Variants in SLFN12 observed in about 807,000 individuals in gnomAD.
The protein encoded by SLFN12 is schlafen family member 12, also known as ribonuclease SLFN12.
In SLFN12, 25 loss-of-function variants were observed where a neutral mutation model predicts 29.1. The ratio of observed to expected loss-of-function variants is 0.86; its 90% CI spans 0.63 to 1.20. SLFN12 has a LOEUF of 1.20. Among genes scored for constraint, SLFN12 ranks in the 50% most tolerant of loss-of-function variants. The pLI is 0.00. For missense variants in SLFN12, 660 were observed against 666.2 expected, an observed-to-expected ratio of 0.99 and a Z score of 0.10; for synonymous variants, 257 against 238.7, an observed-to-expected ratio of 1.08 and a Z score of -0.71.
intron 1 of SLFN12, among the ~76,000 whole-genome samples, chr17:35,430,043 C>T (rs1912223053): frequency 6.6e-6 from 1 of 151,448 alleles, no homozygotes; most frequent in African/African-American, 2.4e-5. Context: ...ACTGGCCCCA[C>T]AGCTCTTTAA....
chr17:35,411,518 A>G lies in SLFN12; in HGVS notation c.1557T>C (p.Pro519=), dbSNP rs1180296496. 3 of 1,614,092 alleles carry G rather than the reference A, an allele frequency of 1.9e-6. No homozygotes were observed. Among genetic ancestry groups the G allele is most frequent in the African/African-American group, 2.7e-5 (2 of 75,060 alleles). Residue 519 remains proline (P), a synonymous_variant, in exon 4 of 4, where the codon CCT becomes CCC. Transcript: ENST00000304905. ...QYDLRSQVIY[P]ESYYFTRRKY... ...TCCTTCTTGTAAAATAGTAGGATTC[A>G]GGGTAAATTACTTGCGACCTTAAAT...
At chr17:35,419,536 T>G (rs1031869868) in intron 3 of SLFN12, among the ~76,000 whole-genome samples, 1 of 151,944 alleles carries the variant, frequency 6.6e-6, no homozygotes, top group Non-Finnish European at 1.5e-5. Context: ...ACCCAATCAA[T>G]AACCAGGGAA....
intron 2 of SLFN12, chr17:35,420,651 T>A (rs1045082510): frequency 3.9e-6 from 1 of 257,476 alleles, no homozygotes; most frequent in African/African-American, 2.3e-5. Context: ...GGTTTATTTT[T>A]AAAGCAGTTA....
In SLFN12 at chr17:35,422,293, C is replaced by A. The variant is rs1911714081; in HGVS notation, c.736G>T (p.Glu246Ter). The change falls in exon 2 of 4, where the codon GAA (glutamate) becomes TAA (stop). Residue 246 changes from glutamate (E) to a stop codon, truncating the protein, a stop_gained. Transcript: ENST00000304905. LOFTEE classifies it high-confidence loss of function. The stretch of plus-strand genomic sequence containing the variant: ...ATCTCTGCTTTAAAGCCAATTATTT[C>A]TTTATCTTCATTTAAACCAATGAAC... ...YLFIGLNEDK[E>*]IIGFKAEMSD... is the part of the protein sequence containing the mutation. 6.2e-7 allele frequency: 1 copy of A among 1,613,816 alleles called. No homozygotes were observed.
chr17:35,419,268 C>T (rs1354769035), intron 3 of SLFN12, among the ~76,000 whole-genome samples: 1 of 151,858 alleles, frequency 6.6e-6, no homozygotes, highest in East Asian at 1.9e-4. Flanking sequence ...GATAGTTTTG[C>T]CTACATTAAA....
intron 3 of SLFN12, among the ~76,000 whole-genome samples, chr17:35,416,202 A>C (rs758999632): frequency 1.3e-5 from 2 of 152,180 alleles, no homozygotes; most frequent in African/African-American, 2.4e-5. Context: ...TGGCATTCAC[A>C]GCAACCTGAA....
chr17:35,416,787 C>T (rs1911341590), intron 3 of SLFN12, among the ~76,000 whole-genome samples: 1 of 152,040 alleles, frequency 6.6e-6, no homozygotes, highest in Non-Finnish European at 1.5e-5. Flanking sequence ...GGCACAGTGG[C>T]TCAAGCCTGT....
At chr17:35,425,097 A>G (rs1455309042) in intron 1 of SLFN12, among the ~76,000 whole-genome samples, 3 of 152,044 alleles carry the variant, frequency 2.0e-5, no homozygotes. Context: ...AGACCAGCCT[A>G]GACAACAAAA....
intron 1 of SLFN12, among the ~76,000 whole-genome samples, chr17:35,431,395 C>T (rs1206807659): frequency 6.6e-6 from 1 of 152,138 alleles, no homozygotes; most frequent in East Asian, 1.9e-4. Context: ...TGCATACATG[C>T]AACTCCATCC....
chr17:35,418,598 C>A (rs191810253), intron 3 of SLFN12, among the ~76,000 whole-genome samples: 35 of 152,004 alleles, frequency 2.3e-4, no homozygotes, highest in African/African-American at 6.5e-4. Flanking sequence ...TAATTGACTA[C>A]GTTATTGGTA....
chr17:35,429,981 T>A (rs12940181), intron 1 of SLFN12, among the ~76,000 whole-genome samples: 18,494 of 151,844 alleles, frequency 0.12, 1,241 homozygotes, highest in East Asian at 0.22. Context: ...CATAGAGCAC[T>A]CTGCCCTCCC....
Position 35,411,873 on chromosome 17 carries a change from A to G in SLFN12, c.1202T>C (p.Leu401Ser), listed in dbSNP as rs1221433358. The G allele has an allele frequency of 5.0e-6, 8 of 1,613,554 alleles. No individual in the cohort carries two copies. Among genetic ancestry groups the G allele is most frequent in the Non-Finnish European group, 6.8e-6 (8 of 1,179,872 alleles). Residue 401 changes from leucine to serine, a missense_variant, in exon 4 of 4, where the codon TTA becomes TCA. By Grantham distance (145) the Leu-to-Ser change is moderately radical. Coordinates refer to ENST00000304905, the MANE Select transcript of SLFN12 (RefSeq NM_018042.5). The part of the protein sequence containing the change: ...TPENLCRKLF[L>S]QHEGLKQLIC... ...TAATTGCTTAAGTCCTTCATGTTGT[A>G]AGAACAGTTTTCTGCAAAGGTTTTC...
At chr17:35,430,031 T>A (rs1912222747) in intron 1 of SLFN12, among the ~76,000 whole-genome samples, 3 of 151,896 alleles carry the variant, frequency 2.0e-5, no homozygotes. Flanking sequence ...GATCCCTGGC[T>A]CACTGGCCCC....
Position 35,422,703 on chromosome 17 carries a change from G to T in SLFN12, c.326C>A (p.Ser109Ter), listed in dbSNP as rs747963462. ...CAGACCAGAGGTGTTCAAGCTCCAT[G>T]ACTTCACAAAAATCAGAAAGTAGTT... ...NGNYFLIFVK[S>*]WSLNTSGLRI... Residue 109 changes from serine to a stop codon, truncating the protein, a stop_gained, in exon 2 of 4, where the codon TCA (serine) becomes TAA (stop). Coordinates refer to ENST00000304905, the MANE Select transcript of SLFN12 (RefSeq NM_018042.5). LOFTEE classifies it high-confidence loss of function. The T allele has an allele frequency of 6.2e-7, 1 of 1,614,114 alleles. No homozygotes were observed.
intron 1 of SLFN12, among the ~76,000 whole-genome samples, chr17:35,425,262 A>C (rs1211907510): frequency 6.6e-6 from 1 of 152,122 alleles, no homozygotes; most frequent in Non-Finnish European, 1.5e-5. Flanking sequence ...ATGGCACTGC[A>C]CTCTAGCTTG....
intron 2 of SLFN12, 31 bp downstream of exon 2, chr17:35,421,959 G>A (rs1281295852): frequency 6.3e-7 from 1 of 1,599,850 alleles, no homozygotes; most frequent in African/African-American, 1.3e-5. Flanking sequence ...CAAGCCAAAT[G>A]CATTCCTGTT....
chr17:35,415,462 T>TTCA (rs1267513850), intron 3 of SLFN12, among the ~76,000 whole-genome samples: 2 of 151,400 alleles, frequency 1.3e-5, no homozygotes, highest in Non-Finnish European at 2.9e-5. Context: ...AGGCAAAGAG[T>TTCA]TCATAACCAA....
At chr17:35,428,382 C>A (rs1912126657) in intron 1 of SLFN12, among the ~76,000 whole-genome samples, 1 of 152,002 alleles carries the variant, frequency 6.6e-6, no homozygotes, top group Admixed American at 6.5e-5. Context: ...GAACTTTGGC[C>A]TGTACCTTTT....
In SLFN12 at chr17:35,431,350, G is replaced by A. The variant is rs114919398; in HGVS notation, c.-41+838C>T. ...AAAGGAGAACATCACACTTTAACCC[G>A]ACACAACCCTGCTTAGAACAGCAGC... is the stretch of plus-strand genomic sequence containing the variant. On this transcript the variant is annotated intron_variant, in intron 1 of 3. Coordinates refer to ENST00000304905, the MANE Select transcript of SLFN12 (RefSeq NM_018042.5). Among the ~76,000 whole-genome samples the A allele has an allele frequency of 1.7e-3, 264 of 152,148 alleles. 1 individual carries two copies. The highest frequency in any genetic ancestry group is 6.6e-3 in the South Asian group (32 of 4,820).
Sources: gnomAD v4.1 joint callset for allele counts (sites outside exome capture counted in the v4.1 genomes callset) on GRCh38, gnomAD v4.1.1 for gene constraint, MANE v1.5 for transcripts, NCBI Gene and HGNC (gene_info 2026-07-23, HGNC 2026-07-21) for gene names.